The following TENM3 variants were observed in gnomAD, a reference collection of about 807,000 sequenced individuals.
The protein encoded by TENM3 is teneurin-3.
In TENM3, 63 loss-of-function variants were observed where a neutral mutation model predicts 255.1. The observed-to-expected ratio is 0.25, with a 90% CI of 0.20 to 0.30. The LOEUF (loss-of-function observed/expected upper bound fraction) is 0.30. Among genes scored for constraint, TENM3 ranks in the 10% least tolerant of loss-of-function variants. The probability of loss-of-function intolerance (pLI) is 1.00; values close to 1 mark genes in which losing one functional copy is unlikely to be tolerated. For synonymous variants in TENM3, 1,306 were observed against 1,322.3 expected (o/e 0.99, Z 0.27); for missense variants, 2,929 against 3,461.1 (o/e 0.85, Z 3.86).
At chr4:182,349,224 AC>A (rs1434789965) in intron 3 of TENM3, among the ~76,000 whole-genome samples, 2 of 152,224 alleles carry the variant, frequency 1.3e-5, no homozygotes. Flanking sequence ...TTGTGGTTGT[AC>A]TTTTAAACAA....
At chr4:182,603,027 AC>A (rs1748052943) in intron 4 of TENM3, among the ~76,000 whole-genome samples, 1 of 152,230 alleles carries the variant, frequency 6.6e-6, no homozygotes, top group African/African-American at 2.4e-5. Context: ...ATTCCGTGAA[AC>A]CATGTCTTCC....
chr4:181,565,555 C>T, the TENM3 span, among the ~76,000 whole-genome samples: 5 of 152,060 alleles, frequency 3.3e-5, no homozygotes, highest in African/African-American at 1.2e-4. Flanking sequence ...TACAGGGATG[C>T]GGACGAGGGC....
At chr4:182,066,736 C>A in the TENM3 span, among the ~76,000 whole-genome samples, 2 of 151,710 alleles carry the variant, frequency 1.3e-5, no homozygotes, top group Non-Finnish European at 2.9e-5. Flanking sequence ...CCATGAAACC[C>A]CGTCTCCACT....
At chr4:182,418,029 A>G (rs537014610) in intron 3 of TENM3, among the ~76,000 whole-genome samples, 1 of 152,358 alleles carries the variant, frequency 6.6e-6, no homozygotes, top group Admixed American at 6.5e-5. Flanking sequence ...AAATTATACT[A>G]AAACTGAATC....
the TENM3 span, among the ~76,000 whole-genome samples, chr4:181,955,728 C>T: frequency 6.6e-6 from 1 of 152,254 alleles, no homozygotes; most frequent in South Asian, 2.1e-4. Context: ...TAACGAAGGG[C>T]TGCCATGGTA....
At chr4:181,684,788 T>C in the TENM3 span, among the ~76,000 whole-genome samples, 1 of 152,130 alleles carries the variant, frequency 6.6e-6, no homozygotes, top group Non-Finnish European at 1.5e-5. Context: ...GGAGTCTCAC[T>C]CTACTGACTG....
At chr4:182,326,104 G>A (rs896747553) in intron 2 of TENM3, among the ~76,000 whole-genome samples, 2 of 152,238 alleles carry the variant, frequency 1.3e-5, no homozygotes, top group Admixed American at 1.3e-4. Context: ...AAGGGCGCCA[G>A]GCGGCCAGGG....
chr4:181,645,870 C>G, the TENM3 span, among the ~76,000 whole-genome samples: 1 of 152,184 alleles, frequency 6.6e-6, no homozygotes, highest in Non-Finnish European at 1.5e-5. Context: ...TTAAAGTGAT[C>G]TCCCATCTAG....
chr4:182,432,856 G>GTGTGTGTGTGTGTGTGTGTGTGTGTGTT, intron 3 of TENM3, among the ~76,000 whole-genome samples: 1 of 151,136 alleles, frequency 6.6e-6, no homozygotes, highest in African/African-American at 2.4e-5. Flanking sequence ...TTGGGTGTGT[G>GTGTGTGTGTGTGTGTGTGTGTGTGTGTT]TGTGTGTGTT....
chr4:181,780,488 T>A, the TENM3 span, among the ~76,000 whole-genome samples: 6 of 152,164 alleles, frequency 3.9e-5, no homozygotes, highest in African/African-American at 1.2e-4. Flanking sequence ...GGGTTGTTTG[T>A]TTTTTTCTTG....
At chr4:181,624,211 C>T in the TENM3 span, among the ~76,000 whole-genome samples, 1 of 152,222 alleles carries the variant, frequency 6.6e-6, no homozygotes, top group Admixed American at 6.5e-5. Context: ...CAGCTGGAGG[C>T]TCTGTTTGAC....
the TENM3 span, among the ~76,000 whole-genome samples, chr4:181,964,866 A>G: frequency 6.6e-6 from 1 of 152,194 alleles, no homozygotes; most frequent in African/African-American, 2.4e-5. Flanking sequence ...TGATCCACTG[A>G]GTTCCAGGAG....
the TENM3 span, among the ~76,000 whole-genome samples, chr4:181,448,626 T>G: frequency 6.6e-6 from 1 of 152,152 alleles, no homozygotes; most frequent in Admixed American, 6.6e-5. Flanking sequence ...TGTATATTAG[T>G]GAGATTGTTA....
At chr4:182,006,337 G>A in the TENM3 span, among the ~76,000 whole-genome samples, 3 of 152,268 alleles carry the variant, frequency 2.0e-5, no homozygotes, top group East Asian at 5.8e-4. Context: ...GTGGAATTCA[G>A]CTGTGAATCT....
At chr4:182,545,426 A>G (rs1475116290) in intron 3 of TENM3, among the ~76,000 whole-genome samples, 1 of 151,828 alleles carries the variant, frequency 6.6e-6, no homozygotes, top group Admixed American at 6.6e-5. Flanking sequence ...TCTTGCCTGG[A>G]CCTCTACAGT....
At chr4:182,528,036 AT>A (rs1211214005) in intron 3 of TENM3, among the ~76,000 whole-genome samples, 1 of 152,220 alleles carries the variant, frequency 6.6e-6, no homozygotes, top group Non-Finnish European at 1.5e-5. Context: ...TAGGCCAGAG[AT>A]TTTTAAAAAT....
intron 1 of TENM3, among the ~76,000 whole-genome samples, chr4:182,308,200 C>T (rs954442398): frequency 2.0e-5 from 3 of 152,322 alleles, no homozygotes; most frequent in Admixed American, 6.5e-5. Context: ...ACTGGGCAAC[C>T]GCAAAGCACA....
intron 3 of TENM3, among the ~76,000 whole-genome samples, chr4:182,426,497 G>C (rs915012751): frequency 2.6e-5 from 4 of 152,244 alleles, no homozygotes; most frequent in Non-Finnish European, 5.9e-5. Context: ...AAAAATGTGA[G>C]TGAATGACTT....
the TENM3 span, among the ~76,000 whole-genome samples, chr4:181,457,693 T>C: frequency 2.0e-5 from 3 of 147,206 alleles, no homozygotes; most frequent in African/African-American, 7.7e-5. Context: ...ATATTCAAAA[T>C]AAAGAAGTCA....
Sources: gnomAD v4.1 joint callset for allele counts (sites outside exome capture counted in the v4.1 genomes callset) on GRCh38, gnomAD v4.1.1 for gene constraint, MANE v1.5 for transcripts, NCBI Gene and HGNC (gene_info 2026-07-23, HGNC 2026-07-21) for gene names.